ZNF385D: variants seen among roughly 807,000 people sequenced by gnomAD.
The protein encoded by ZNF385D is zinc finger protein 659.
Under a neutral mutation model 35.8 loss-of-function variants are expected in ZNF385D, and 15 were observed. That is an observed-to-expected ratio of 0.42 (90% CI 0.28 to 0.64). ZNF385D has a LOEUF of 0.64. Among genes scored for constraint, ZNF385D ranks in the 30% least tolerant of loss-of-function variants. The probability of loss-of-function intolerance (pLI) is 0.23; values close to 1 mark genes in which losing one functional copy is unlikely to be tolerated. For missense variants in ZNF385D, 474 were observed against 494.6 expected, an observed-to-expected ratio of 0.96 and a Z score of 0.39; for synonymous variants, 212 against 186.8, an observed-to-expected ratio of 1.13 and a Z score of -1.10.
intron 2 of ZNF385D, among the ~76,000 whole-genome samples, chr3:22,316,781 T>C (rs1703912184): frequency 6.6e-6 from 1 of 152,194 alleles, no homozygotes; most frequent in Non-Finnish European, 1.5e-5. Flanking sequence ...TTGAAACTTC[T>C]AAGGAAGTTT....
At chr3:21,672,173 GAT>G (rs2125286172) in intron 1 of ZNF385D, among the ~76,000 whole-genome samples, 1 of 152,230 alleles carries the variant, frequency 6.6e-6, no homozygotes, top group South Asian at 2.1e-4. Flanking sequence ...TCAACAGAAT[GAT>G]ATAACTAAAA....
At chr3:21,988,804 T>G (rs897206427) in intron 3 of ZNF385D, among the ~76,000 whole-genome samples, 31 of 152,050 alleles carry the variant, frequency 2.0e-4, no homozygotes, top group African/African-American at 7.2e-4. Context: ...CAGACTGCTG[T>G]GCTAGCAATC....
chr3:22,237,183 A>G (rs1699233157), intron 2 of ZNF385D, among the ~76,000 whole-genome samples: 1 of 86,772 alleles, frequency 1.2e-5, no homozygotes, highest in Admixed American at 1.5e-4. Context: ...TTTGCCAGCA[A>G]TAGTTAATAT....
At position 21,922,795 on chromosome 3, in the gene ZNF385D, A is replaced by T. The variant is rs1193758482; in HGVS notation, c.325+246022T>A. ...GAACAAAAATTGACAAGTGAGACCC[A>T]ATTAAACAAAAGGGCTTCCACACAG... On this transcript the variant is annotated intron_variant, in intron 3 of 5. Transcript: ENST00000494108. Among the ~76,000 whole-genome samples, 4 of 152,200 alleles carry T rather than the reference A, an allele frequency of 2.6e-5. No homozygotes were observed. The East Asian group carries it at 7.7e-4, about 29-fold the overall frequency.
In ZNF385D at chr3:22,040,429, G is replaced by T. The variant is rs528855822; in HGVS notation, c.325+128388C>A. Among the ~76,000 whole-genome samples the T allele has an allele frequency of 3.3e-5, 5 of 152,250 alleles. No homozygotes were observed. The East Asian group carries it at 5.8e-4, about 18-fold the overall frequency. On this transcript the variant is annotated intron_variant, in intron 3 of 5. Coordinates refer to the ZNF385D transcript ENST00000494108. ...ACATCAAACAAAAAAATGTGTTACAGATCAAGGGTTGCAAGCCCAGCAATG... is the reference window on the plus strand; with the variant it reads ...ACATCAAACAAAAAAATGTGTTACATATCAAGGGTTGCAAGCCCAGCAATG...
intron 3 of ZNF385D, among the ~76,000 whole-genome samples, chr3:21,980,574 AC>A (rs934322983): frequency 5.9e-5 from 9 of 152,074 alleles, no homozygotes; most frequent in Admixed American, 2.6e-4. Context: ...TTCCTTTTAA[AC>A]TTTTATTTTA....
At chr3:21,598,306 A>C (rs1243463772) in intron 2 of ZNF385D, among the ~76,000 whole-genome samples, 1 of 152,210 alleles carries the variant, frequency 6.6e-6, no homozygotes, top group Non-Finnish European at 1.5e-5. Flanking sequence ...CAAAAAGGTA[A>C]GGATAAGCAG....
rs139382774 is a variant in ZNF385D at position 22,030,350 on chromosome 3, T to C, written c.325+138467A>G. Among the ~76,000 whole-genome samples, 960 of 137,306 alleles carry C rather than the reference T, an allele frequency of 7.0e-3. 14 individuals are homozygous for C. Among genetic ancestry groups the C allele is most frequent in the African/African-American group, 0.024 (897 of 36,704 alleles). The allele number at this position is 137,306 out of a possible 152,430, so 90.1% of individuals were successfully genotyped here. ...GAGAACTCTGACTAATATGGTTTAA[T>C]TGACTCATAATTTCACATGGTTTAA... On this transcript the variant is annotated intron_variant, in intron 3 of 5. Coordinates refer to the ZNF385D transcript ENST00000494108.
intron 3 of ZNF385D, among the ~76,000 whole-genome samples, chr3:21,939,168 A>G (rs1385204346): frequency 1.3e-5 from 2 of 152,212 alleles, no homozygotes; most frequent in Non-Finnish European, 1.5e-5. Flanking sequence ...TAAAGTCCCT[A>G]TATTTGCCCA....
intron 2 of ZNF385D, among the ~76,000 whole-genome samples, chr3:21,630,410 G>A (rs1010113322): frequency 1.3e-5 from 2 of 151,844 alleles, no homozygotes; most frequent in African/African-American, 4.8e-5. Flanking sequence ...TCTCCATGTT[G>A]GTCAGGCTGG....
intron 3 of ZNF385D, among the ~76,000 whole-genome samples, chr3:22,057,487 ATTAT>A: frequency 6.6e-6 from 1 of 151,334 alleles, no homozygotes; most frequent in Non-Finnish European, 1.5e-5. Flanking sequence ...ACTCCAAAAC[ATTAT>A]TTATTTATTT....
At chr3:21,866,415 T>C (rs369411614) in intron 3 of ZNF385D, among the ~76,000 whole-genome samples, 1 of 152,094 alleles carries the variant, frequency 6.6e-6, no homozygotes, top group African/African-American at 2.4e-5. Context: ...GATCGCACGA[T>C]TGCACTCTCT....
intron 2 of ZNF385D, among the ~76,000 whole-genome samples, chr3:22,221,924 A>G (rs958797783): frequency 1.9e-4 from 29 of 152,150 alleles, no homozygotes; most frequent in African/African-American, 5.5e-4. Flanking sequence ...CAGAGAAACC[A>G]TAGGTTTTCT....
chr3:22,242,575 A>C (rs771260457), intron 2 of ZNF385D, among the ~76,000 whole-genome samples: 5 of 151,058 alleles, frequency 3.3e-5, no homozygotes, highest in Non-Finnish European at 5.9e-5. Flanking sequence ...CAGTACTCTT[A>C]AAATCAGCCA....
intron 3 of ZNF385D, among the ~76,000 whole-genome samples, chr3:22,093,102 G>C (rs949970244): frequency 1.3e-5 from 2 of 152,096 alleles, no homozygotes; most frequent in African/African-American, 2.4e-5. Context: ...GAGAAGTGAA[G>C]TGTTGGTGCC....
intron 2 of ZNF385D, among the ~76,000 whole-genome samples, chr3:22,217,494 C>G (rs565546940): frequency 6.6e-6 from 1 of 152,236 alleles, no homozygotes; most frequent in South Asian, 2.1e-4. Flanking sequence ...AACGAATTAC[C>G]TCTACAATGA....
At chr3:22,306,549 C>T (rs1703230603) in intron 2 of ZNF385D, among the ~76,000 whole-genome samples, 1 of 152,088 alleles carries the variant, frequency 6.6e-6, no homozygotes, top group African/African-American at 2.4e-5. Flanking sequence ...GAACAAGACA[C>T]TGCCGTCTAT....
chr3:21,434,195 T>C (rs1258083268), intron 5 of ZNF385D, among the ~76,000 whole-genome samples: 1 of 152,132 alleles, frequency 6.6e-6, no homozygotes, highest in African/African-American at 2.4e-5. Context: ...CAGCCCCAAT[T>C]GTTCAACTTG....
chr3:21,877,052 T>G (rs902937785), intron 3 of ZNF385D, among the ~76,000 whole-genome samples: 1 of 152,104 alleles, frequency 6.6e-6, no homozygotes, highest in East Asian at 1.9e-4. Flanking sequence ...ACACCATTAC[T>G]GTGAACCCCT....
Sources: allele counts gnomAD v4.1 joint callset (sites outside exome capture counted in the v4.1 genomes callset), GRCh38; gene constraint gnomAD v4.1.1; transcripts MANE v1.5; gene names NCBI Gene and HGNC (gene_info 2026-07-23, HGNC 2026-07-21).